Variants in TCN2 observed in about 807,000 individuals in gnomAD.
The protein encoded by TCN2 is transcobalamin-2.
TCN2 carries 34 observed loss-of-function variants against 48.6 expected under a neutral mutation model. The ratio of observed to expected loss-of-function variants is 0.70; its 90% CI spans 0.53 to 0.93. TCN2 has a LOEUF of 0.93. Ranked by LOEUF, TCN2 falls within the 40% of genes least tolerant of loss-of-function variation. TCN2 has a pLI of 0.00. For synonymous variants in TCN2, 283 were observed against 212.5 expected, an observed-to-expected ratio of 1.33 and a Z score of -2.89; for missense variants, 652 against 526.1, an observed-to-expected ratio of 1.24 and a Z score of -2.34.
chr22:30,619,756 G>C (rs191913777), intron 7 of TCN2, among the ~76,000 whole-genome samples: 2 of 152,164 alleles, frequency 1.3e-5, no homozygotes, highest in African/African-American at 4.8e-5. Flanking sequence ...TCTCAGACCG[G>C]AGAAATGCAA....
At chr22:30,610,158 A>T (rs1253590221) in intron 1 of TCN2, 2 of 467,622 alleles carry the variant, frequency 4.3e-6, no homozygotes, top group Non-Finnish European at 8.9e-6. Flanking sequence ...ATCCCACAGC[A>T]ACAGGTAAAC....
rs1484221256 is a variant in TCN2 at position 30,611,037 on chromosome 22, G to A, written c.231G>A (p.Lys77=). The A allele has an allele frequency of 6.2e-7, 1 of 1,614,102 alleles. No individual in the cohort carries two copies. The highest frequency in any genetic ancestry group is 1.3e-5 in the African/African-American group (1 of 75,042). The change falls in exon 2 of 9, where the codon AAG becomes AAA. Residue 77 remains lysine, a synonymous_variant. Transcript: ENST00000215838. ...AAGACCTCTACCTGCACAGCCTCAA[G>A]CTTGGTTACCAGCAGTGCCTCCTAG... ...TKEDLYLHSL[K]LGYQQCLLGS...
rs375476510 is a variant in TCN2, at chr22:30,607,389, A to G, written c.58A>G (p.Met20Val). 1 of 1,613,950 alleles carries G rather than the reference A, an allele frequency of 6.2e-7. No homozygotes were observed. Among genetic ancestry groups the G allele is most frequent in the East Asian group, 2.2e-5 (1 of 44,864 alleles). ...GGGGGTCCTGGGGGCCCTCACTGAG[A>G]TGTGTGGTGAGTAACTCGCCTCTAT... ...LLGVLGALTE[M>V]CEIPEMDSHL... is the part of the protein sequence containing the mutation. Residue 20 changes from methionine (M) to valine (V), a missense_variant, in exon 1 of 9, where the codon ATG (methionine) becomes GTG (valine). Physicochemically the swap from Met to Val is conservative, Grantham distance 21. Coordinates refer to ENST00000215838, the MANE Select transcript of TCN2 (RefSeq NM_000355.4).
chr22:30,613,737 A>G (rs1398116797), intron 3 of TCN2, among the ~76,000 whole-genome samples: 1 of 152,118 alleles, frequency 6.6e-6, no homozygotes, highest in Admixed American at 6.6e-5. Flanking sequence ...CAGCCTTTTC[A>G]ATATAAACCT....
intron 2 of TCN2, among the ~76,000 whole-genome samples, chr22:30,611,522 T>A (rs527712657): frequency 2.0e-5 from 3 of 152,300 alleles, no homozygotes; most frequent in South Asian, 2.1e-4. Flanking sequence ...GCAGCATCTT[T>A]TCTTTTCTTT....
intron 8 of TCN2, among the ~76,000 whole-genome samples, chr22:30,626,244 G>GT (rs1326200623): frequency 6.6e-6 from 1 of 152,096 alleles, no homozygotes; most frequent in Non-Finnish European, 1.5e-5. Flanking sequence ...CCTGTCAGGT[G>GT]TTTTTATTAC....
chr22:30,619,601 G>A (rs568787895), intron 7 of TCN2, among the ~76,000 whole-genome samples: 28 of 152,254 alleles, frequency 1.8e-4, no homozygotes, highest in African/African-American at 6.3e-4. Context: ...GAAGTTGAAT[G>A]CCTTCCACCA....
rs1316621531 is a variant in TCN2, at chr22:30,624,076, A to T, written c.1222+993A>T. Among the ~76,000 whole-genome samples the T allele has an allele frequency of 3.1e-5, 3 of 97,750 alleles. 1 individual carries two copies. Among genetic ancestry groups the T allele is most frequent in the African/African-American group, 9.7e-5 (2 of 20,530 alleles). The allele number at this position is 97,750 out of a possible 152,430, so 64.1% of individuals were successfully genotyped here. ...CACACACACACATATATATATATAT[A>T]TATATTTTTTTTTTTTGAGATGGAG... On this transcript the variant is annotated intron_variant, in intron 8 of 8. Coordinates refer to ENST00000215838, the MANE Select transcript of TCN2 (RefSeq NM_000355.4).
chr22:30,612,584 A>C (rs1426479341), intron 2 of TCN2, among the ~76,000 whole-genome samples: 2 of 151,998 alleles, frequency 1.3e-5, no homozygotes, highest in Non-Finnish European at 2.9e-5. Flanking sequence ...AAAAAATAAA[A>C]AAGGAGGGGG....
intron 3 of TCN2, 37 bp downstream of exon 3, chr22:30,613,079 T>C: frequency 6.2e-7 from 1 of 1,610,724 alleles, no homozygotes; most frequent in Non-Finnish European, 8.5e-7. Context: ...GGGGAGCAGC[T>C]GGGAGGGCTC....
At position 30,615,155 on chromosome 22, in the gene TCN2, G is replaced by C. The variant is rs1387005240; in HGVS notation, c.581-146G>C. 2.0e-5 allele frequency: 16 copies of C among 804,608 alleles called. No individual in the cohort carries two copies. The South Asian group carries it at 2.2e-4, about 11-fold the overall frequency. 49.8% of individuals were successfully genotyped at this position (804,608 alleles called of 1,614,324 possible). On this transcript the variant is annotated intron_variant, in intron 4 of 8. Coordinates refer to ENST00000215838, the MANE Select transcript of TCN2 (RefSeq NM_000355.4). ...CTTGGGCAGACCAGGTTGAGTTGGT[G>C]CCCTTAGCTGATCTGACCATGTTGC... is the stretch of plus-strand genomic sequence containing the variant.
rs902094736 is a variant in TCN2 at position 30,610,350 on chromosome 22, A to G, written c.65-521A>G. On this transcript the variant is annotated intron_variant, in intron 1 of 8. Coordinates refer to ENST00000215838, the MANE Select transcript of TCN2 (RefSeq NM_000355.4). The stretch of plus-strand genomic sequence containing the variant: ...AAATTTGATGTGTAACACGTTCTGC[A>G]TGTGGGCTGATGTTTTTGTAAACGG... 21 of 464,090 alleles carry G rather than the reference A, an allele frequency of 4.5e-5. 1 individual carries two copies. The highest frequency in any genetic ancestry group is 8.1e-5 in the Non-Finnish European group (18 of 223,094). 28.7% of individuals were successfully genotyped at this position (464,090 alleles called of 1,614,324 possible).
At position 30,623,997 on chromosome 22, in the gene TCN2, CATATATATGTAT is replaced by C. The variant is rs1569047094; in HGVS notation, c.1222+916_1222+927del. Among the ~76,000 whole-genome samples the C allele has an allele frequency of 2.3e-3, 146 of 63,366 alleles. 2 individuals are homozygous for C. The highest frequency in any genetic ancestry group is 3.2e-3 in the Admixed American group (17 of 5,352). 41.6% of individuals were successfully genotyped at this position (63,366 alleles called of 152,430 possible). On this transcript the variant is annotated intron_variant, in intron 8 of 8. Coordinates refer to ENST00000215838, the MANE Select transcript of TCN2 (RefSeq NM_000355.4). ...ATATATATGTATACATATATACACA[CATATATATGTAT>C]ACATATATACACACATATATATGTA... is the stretch of plus-strand genomic sequence containing the variant.
chr22:30,621,511 C>G (rs2087699314), intron 7 of TCN2, among the ~76,000 whole-genome samples: 1 of 151,810 alleles, frequency 6.6e-6, no homozygotes, highest in South Asian at 2.1e-4. Flanking sequence ...GAGAAGCAGT[C>G]TTGCTCTGTT....
chr22:30,617,719 C>T (rs1027651490), intron 7 of TCN2: 12 of 591,360 alleles, frequency 2.0e-5, no homozygotes, highest in African/African-American at 1.5e-4. Context: ...CAGAGCCCCC[C>T]AGTTGGAATC....
Position 30,611,073 on chromosome 22 carries a change from C to T in TCN2, c.257+10C>T, listed in dbSNP as rs1335095510. 1.2e-6 allele frequency: 2 copies of T among 1,613,920 alleles called. No individual in the cohort carries two copies. Among genetic ancestry groups the T allele is most frequent in the Non-Finnish European group, 1.7e-6 (2 of 1,179,886 alleles). On this transcript the variant is annotated intron_variant, in intron 2 of 8. Coordinates refer to ENST00000215838, the MANE Select transcript of TCN2 (RefSeq NM_000355.4). ...AGCAGTGCCTCCTAGGGTATTGCCA[C>T]ACTCTCTTTTTCCATGTCTTGCTCC...
At chr22:30,608,639 G>A (rs9609017) in intron 1 of TCN2, among the ~76,000 whole-genome samples, 1 of 151,996 alleles carries the variant, frequency 6.6e-6, no homozygotes, top group Non-Finnish European at 1.5e-5. Context: ...AAACTCTTGC[G>A]TCGGCCTCCC....
At chr22:30,608,210 A>G (rs2087482122) in intron 1 of TCN2, among the ~76,000 whole-genome samples, 1 of 152,116 alleles carries the variant, frequency 6.6e-6, no homozygotes, top group East Asian at 1.9e-4. Context: ...TGAGCAATAC[A>G]CTTTCACCCC....
chr22:30,626,886 G>A lies in TCN2; in HGVS notation c.*365G>A. ...GAAGACCACTCGTTCTGTGGTTGGG[G>A]TCCTGCAAGAAGGCCTCCTCAGCCC... On this transcript the variant is annotated 3_prime_UTR_variant, in exon 9 of 9. Transcript: ENST00000215838. 2.7e-6 allele frequency: 1 copy of A among 371,222 alleles called. No homozygotes were observed. The highest frequency in any genetic ancestry group is 5.2e-6 in the Non-Finnish European group (1 of 193,406). 23.0% of individuals were successfully genotyped at this position (371,222 alleles called of 1,614,324 possible).
Sources: gnomAD v4.1 joint callset for allele counts (sites outside exome capture counted in the v4.1 genomes callset) on GRCh38, gnomAD v4.1.1 for gene constraint, MANE v1.5 for transcripts, NCBI Gene and HGNC (gene_info 2026-07-23, HGNC 2026-07-21) for gene names.